ARID1B: variants seen among roughly 807,000 people sequenced by gnomAD.
ARID1B encodes the protein AT-rich interactive domain-containing protein 1B.
In ARID1B, 30 loss-of-function variants were observed where a neutral mutation model predicts 212.3. The ratio of observed to expected loss-of-function variants is 0.14; its 90% CI spans 0.11 to 0.19. The LOEUF (loss-of-function observed/expected upper bound fraction) is 0.19. Among genes scored for constraint, ARID1B ranks in the 10% least tolerant of loss-of-function variants. ARID1B has a pLI of 1.00. For missense variants in ARID1B, 2,891 were observed against 3,204.0 expected (o/e 0.90, Z 2.36); for synonymous variants, 1,402 against 1,301.7 (o/e 1.08, Z -1.66).
At chr6:157,022,217 G>T (rs993509917) in intron 4 of ARID1B, 31 of 152,564 alleles carry the variant, frequency 2.0e-4, no homozygotes, top group African/African-American at 6.7e-4. Context: ...AGGCTGGCAG[G>T]CCGCCGCCAT....
At chr6:156,800,936 A>C (rs1398502334) in intron 1 of ARID1B, among the ~76,000 whole-genome samples, 1 of 152,180 alleles carries the variant, frequency 6.6e-6, no homozygotes, top group Non-Finnish European at 1.5e-5. Context: ...TAATGTCTGC[A>C]GTGGCATTAG....
intron 4 of ARID1B, among the ~76,000 whole-genome samples, chr6:157,031,253 A>G (rs7776377): frequency 0.01 from 1,567 of 152,306 alleles, 35 homozygotes; most frequent in African/African-American, 0.036. Flanking sequence ...TTTATTTATT[A>G]GTGTCTACTT....
chr6:157,140,637 A>G (rs967382941), intron 7 of ARID1B: 1 of 398,576 alleles, frequency 2.5e-6, no homozygotes, highest in Non-Finnish European at 4.4e-6. Context: ...CTTTGGAGTA[A>G]CACGTAGCTT....
At chr6:156,971,021 A>G (rs941700106) in intron 4 of ARID1B, among the ~76,000 whole-genome samples, 1 of 152,176 alleles carries the variant, frequency 6.6e-6, no homozygotes, top group African/African-American at 2.4e-5. Flanking sequence ...TGACAGGTTT[A>G]CTGCTGTGTC....
At chr6:157,052,059 C>T (rs973839610) in intron 4 of ARID1B, among the ~76,000 whole-genome samples, 2 of 152,040 alleles carry the variant, frequency 1.3e-5, no homozygotes, top group African/African-American at 4.8e-5. Context: ...AGGCTGAGGC[C>T]TTCTATATAT....
intron 8 of ARID1B, 112 bp downstream of exon 8, chr6:157,149,063 T>A (rs888417926): frequency 3.1e-5 from 35 of 1,128,840 alleles, no homozygotes; most frequent in East Asian, 5.2e-5. Flanking sequence ...CAGTAGAATG[T>A]CACTGTGCTT....
chr6:156,999,020 C>G (rs1270099964), intron 4 of ARID1B, among the ~76,000 whole-genome samples: 1 of 152,210 alleles, frequency 6.6e-6, no homozygotes, highest in Non-Finnish European at 1.5e-5. Flanking sequence ...TTATATGTTT[C>G]TCTCTTCAGT....
At chr6:156,976,639 C>T (rs1299234481) in intron 4 of ARID1B, among the ~76,000 whole-genome samples, 1 of 152,102 alleles carries the variant, frequency 6.6e-6, no homozygotes, top group Non-Finnish European at 1.5e-5. Flanking sequence ...CTTCTGGGTC[C>T]CCTTCCACCA....
chr6:157,133,034 T>C lies in ARID1B; in HGVS notation c.2588T>C (p.Met863Thr). 1 of 1,598,916 alleles carries C rather than the reference T, an allele frequency of 6.3e-7. No individual in the cohort carries two copies. Among genetic ancestry groups the C allele is most frequent in the African/African-American group, 1.4e-5 (1 of 74,004 alleles). Residue 863 changes from methionine to threonine, a missense_variant, in exon 7 of 20, where the codon ATG becomes ACG. By Grantham distance (81) the Met-to-Thr change is moderately conservative (BLOSUM62 -1). Coordinates refer to ENST00000636930, the MANE Select transcript of ARID1B (RefSeq NM_001374828.1). ...CCATTTATTTCCCACTTAGGTTTTA[T>C]GGCAGGCACACAAAGAAACCCTCAG... ...QSPMPQERGF[M>T]AGTQRNPQMA...
chr6:157,191,316 C>T (rs1258491649), intron 15 of ARID1B, among the ~76,000 whole-genome samples: 2 of 151,926 alleles, frequency 1.3e-5, no homozygotes, highest in Non-Finnish European at 2.9e-5. Flanking sequence ...CTAACCGTGA[C>T]TGGGCGGGTG....
At chr6:156,946,481 T>G (rs1793159786) in intron 4 of ARID1B, among the ~76,000 whole-genome samples, 1 of 152,214 alleles carries the variant, frequency 6.6e-6, no homozygotes, top group African/African-American at 2.4e-5. Flanking sequence ...TCTATGTGCC[T>G]GCCTAAAGCC....
intron 13 of ARID1B, 133 bp downstream of exon 13, chr6:157,184,568 TTTTG>T (rs775249450): frequency 5.8e-6 from 6 of 1,038,294 alleles, no homozygotes; most frequent in Admixed American, 2.5e-5. Context: ...TCCTGTGTCG[TTTTG>T]TTTATTTAAT....
chr6:156,990,735 T>G (rs1467493061), intron 4 of ARID1B, among the ~76,000 whole-genome samples: 1 of 152,184 alleles, frequency 6.6e-6, no homozygotes, highest in African/African-American at 2.4e-5. Context: ...CAAGCCATCC[T>G]CCTTCCTCAG....
intron 1 of ARID1B, among the ~76,000 whole-genome samples, chr6:156,783,841 A>G (rs376687397): frequency 1.3e-5 from 2 of 152,248 alleles, no homozygotes; most frequent in South Asian, 2.1e-4. Flanking sequence ...TGCTCAGCTC[A>G]TGGGGTTGTG....
chr6:157,055,950 G>T (rs1782930001), intron 4 of ARID1B, among the ~76,000 whole-genome samples: 1 of 152,174 alleles, frequency 6.6e-6, no homozygotes, highest in African/African-American at 2.4e-5. Flanking sequence ...ATGGCAGCAG[G>T]CAGGAGATTT....
chr6:157,179,574 A>G (rs1391861382), intron 11 of ARID1B, among the ~76,000 whole-genome samples: 1 of 152,232 alleles, frequency 6.6e-6, no homozygotes, highest in African/African-American at 2.4e-5. Flanking sequence ...GCATCAAAGT[A>G]TATTCTAAAA....
intron 1 of ARID1B, among the ~76,000 whole-genome samples, chr6:156,812,190 G>A (rs1781599050): frequency 6.6e-6 from 1 of 152,090 alleles, no homozygotes; most frequent in Admixed American, 6.5e-5. Flanking sequence ...GGTGTGTGGT[G>A]GCATGATCAC....
At chr6:157,155,526 C>G (rs1268523792) in intron 8 of ARID1B, among the ~76,000 whole-genome samples, 6 of 151,592 alleles carry the variant, frequency 4.0e-5, no homozygotes, top group Admixed American at 6.6e-5. Context: ...AGTCTTGTTA[C>G]TCTTGACTAG....
intron 8 of ARID1B, among the ~76,000 whole-genome samples, chr6:157,161,360 G>C (rs1053568632): frequency 6.6e-6 from 1 of 151,612 alleles, no homozygotes; most frequent in African/African-American, 2.4e-5. Flanking sequence ...TTGCAGGCAC[G>C]CTGGTGGATT....
Sources: gnomAD v4.1 joint callset for allele counts (sites outside exome capture counted in the v4.1 genomes callset) on GRCh38, gnomAD v4.1.1 for gene constraint, MANE v1.5 for transcripts, NCBI Gene and HGNC (gene_info 2026-07-23, HGNC 2026-07-21) for gene names.